Variants in PRH1 observed in about 807,000 individuals in gnomAD.
PRH1 encodes salivary acidic proline-rich phosphoprotein 1/2.
Under a neutral mutation model 7.9 loss-of-function variants are expected in PRH1, and 7 were observed. The ratio of observed to expected loss-of-function variants is 0.89; its 90% CI spans 0.50 to 1.67. The LOEUF (loss-of-function observed/expected upper bound fraction) is 1.67, where lower values mean the gene tolerates loss of function less well. PRH1 is among the 40% of genes most tolerant of loss of function. PRH1 has a pLI of 0.00. For missense variants in PRH1, 109 were observed against 223.6 expected, an observed-to-expected ratio of 0.49 and a Z score of 3.27; for synonymous variants, 45 against 80.8, an observed-to-expected ratio of 0.56 and a Z score of 2.38.
At chr12:11,110,905 C>T (rs1565663408) in intron 1 of PRH1, among the ~76,000 whole-genome samples, 1 of 152,128 alleles carries the variant, frequency 6.6e-6, no homozygotes, top group African/African-American at 2.4e-5. Flanking sequence ...ATTCAGGAAA[C>T]CCATCTCATG....
At chr12:11,163,992 A>G (rs753157793) in intron 1 of PRH1, among the ~76,000 whole-genome samples, 8 of 152,210 alleles carry the variant, frequency 5.3e-5, no homozygotes, top group African/African-American at 9.6e-5. Context: ...GACTACAAGC[A>G]TAAGGGTTGG....
chr12:10,935,068 C>CTCTTATA (rs1022359176), intron 2 of PRH1, among the ~76,000 whole-genome samples: 1 of 152,082 alleles, frequency 6.6e-6, no homozygotes, highest in Non-Finnish European at 1.5e-5. Flanking sequence ...TAATTCAAAG[C>CTCTTATA]ATTGAAATTT....
At chr12:11,066,711 C>T (rs1591937386) in intron 1 of PRH1, among the ~76,000 whole-genome samples, 2 of 151,204 alleles carry the variant, frequency 1.3e-5, no homozygotes, top group Admixed American at 6.6e-5. Flanking sequence ...TGATTTCCAT[C>T]TTGTTTTTTA....
chr12:11,087,831 T>C lies in PRH1; in HGVS notation n.124-40643A>G, dbSNP rs1171252722. On this transcript the variant is annotated intron_variant and non_coding_transcript_variant, in intron 1 of 4. Coordinates refer to the PRH1 transcript ENST00000541977. ...CTCACAAATGCTTTCCAGGATGTGC[T>C]GTCTTCACTAAGCAGAGCAGAGCTT... Among the ~76,000 whole-genome samples the C allele has an allele frequency of 2.6e-5, 3 of 116,144 alleles. 1 individual carries two copies. The highest frequency in any genetic ancestry group is 6.1e-5 in the Non-Finnish European group (3 of 49,124). The allele number at this position is 116,144 out of a possible 152,430, so 76.2% of individuals were successfully genotyped here.
intron 1 of PRH1, among the ~76,000 whole-genome samples, chr12:11,045,332 A>T (rs905325215): frequency 2.0e-5 from 3 of 151,526 alleles, no homozygotes; most frequent in Non-Finnish European, 1.5e-5. Context: ...AAAAAAAAAA[A>T]TAGAAAGAAT....
At chr12:11,133,904 G>A (rs1287546553) in intron 1 of PRH1, 1 of 1,614,020 alleles carries the variant, frequency 6.2e-7, no homozygotes, top group African/African-American at 1.3e-5. Context: ...AATAAGGTTG[G>A]AGAAATTGGC....
intron 2 of PRH1, among the ~76,000 whole-genome samples, chr12:10,920,969 A>G (rs186874166): frequency 9.9e-5 from 15 of 152,202 alleles, no homozygotes; most frequent in Non-Finnish European, 1.5e-4. Flanking sequence ...ATCTGTTGAG[A>G]TAATTTTATG....
intron 1 of PRH1, among the ~76,000 whole-genome samples, chr12:11,041,096 C>A (rs1207282045): frequency 6.6e-6 from 1 of 151,612 alleles, no homozygotes; most frequent in Non-Finnish European, 1.5e-5. Flanking sequence ...AGAAGTAAGA[C>A]CTTACTACCA....
At chr12:10,972,929 C>CCCG (rs1938891151) in intron 2 of PRH1, among the ~76,000 whole-genome samples, 1 of 89,990 alleles carries the variant, frequency 1.1e-5, no homozygotes, top group Non-Finnish European at 2.4e-5. Flanking sequence ...AGCACCACAA[C>CCCG]CCACCCCCCC....
chr12:10,990,364 T>C (rs1423395259), intron 1 of PRH1, among the ~76,000 whole-genome samples: 2 of 152,174 alleles, frequency 1.3e-5, no homozygotes, highest in Admixed American at 6.5e-5. Context: ...TGATAGTGTT[T>C]AGTGTTGATT....
chr12:11,162,100 CTCA>C (rs2136456806), intron 1 of PRH1, among the ~76,000 whole-genome samples: 1 of 152,332 alleles, frequency 6.6e-6, no homozygotes, highest in Non-Finnish European at 1.5e-5. Flanking sequence ...AGGTACCCTT[CTCA>C]TCATCCTTTT....
chr12:11,065,422 C>T (rs1002611544), intron 1 of PRH1, among the ~76,000 whole-genome samples: 2 of 127,594 alleles, frequency 1.6e-5, no homozygotes, highest in Non-Finnish European at 3.5e-5. Context: ...TCTTCTGGAA[C>T]TGCAGAAGTA....
chr12:10,911,664 T>G (rs891511684), intron 2 of PRH1, among the ~76,000 whole-genome samples: 1 of 152,242 alleles, frequency 6.6e-6, no homozygotes, highest in African/African-American at 2.4e-5. Flanking sequence ...ATTGTGCCTA[T>G]GAGAATTTGG....
chr12:10,910,924 A>G (rs1255369348), intron 2 of PRH1, among the ~76,000 whole-genome samples: 1 of 152,180 alleles, frequency 6.6e-6, no homozygotes, highest in Non-Finnish European at 1.5e-5. Flanking sequence ...AAATAATTGC[A>G]TCATCTTTAA....
chr12:10,903,203 A>G (rs1239870598), intron 2 of PRH1, among the ~76,000 whole-genome samples: 1 of 150,746 alleles, frequency 6.6e-6, no homozygotes, highest in Non-Finnish European at 1.5e-5. Context: ...AGAAAGAATC[A>G]CTATTCCTAT....
At chr12:11,063,153 ATATT>A (rs1384141938) in intron 1 of PRH1, among the ~76,000 whole-genome samples, 1 of 152,086 alleles carries the variant, frequency 6.6e-6, no homozygotes, top group Non-Finnish European at 1.5e-5. Flanking sequence ...TAATGTTTAA[ATATT>A]TATTACTATA....
upstream of PRH1, among the ~76,000 whole-genome samples, chr12:10,885,119 T>C (rs998903009): frequency 6.6e-6 from 1 of 152,202 alleles, no homozygotes; most frequent in Admixed American, 6.5e-5. Flanking sequence ...TTTCTTCTAA[T>C]AAATATTGTA....
At chr12:10,967,573 GC>G (rs1369960262) in intron 2 of PRH1, among the ~76,000 whole-genome samples, 12 of 152,132 alleles carry the variant, frequency 7.9e-5, no homozygotes, top group Non-Finnish European at 1.5e-4. Context: ...CTTCGTCTAG[GC>G]CTTATCCTGC....
In PRH1 at chr12:10,901,125, C is replaced by T. The variant is rs559587977; in HGVS notation, c.-58-16850G>A. Among the ~76,000 whole-genome samples the T allele has an allele frequency of 2.7e-4, 41 of 152,318 alleles. 2 individuals carry two copies. In the South Asian group the frequency reaches 7.5e-3, roughly 28 times the overall value. ...GCAACCTGTGCTGCCTCACCCTTCC[C>T]GTTCACAGATCCATGTACTGGGCTG... On this transcript the variant is annotated intron_variant, in intron 2 of 3. Coordinates refer to the PRH1 transcript ENST00000539853.
Sources: allele counts gnomAD v4.1 joint callset (sites outside exome capture counted in the v4.1 genomes callset), GRCh38; gene constraint gnomAD v4.1.1; transcripts MANE v1.5; gene names NCBI Gene and HGNC (gene_info 2026-07-23, HGNC 2026-07-21).